Variants in RGS17 observed in about 807,000 individuals in gnomAD.
RGS17 encodes regulator of G-protein signaling 17.
A neutral mutation model predicts 25.5 loss-of-function variants in RGS17; 12 were observed. That is an observed-to-expected ratio of 0.47 (90% CI 0.30 to 0.76). RGS17 has a LOEUF of 0.76. Ranked by LOEUF, RGS17 falls within the 30% of genes least tolerant of loss-of-function variation. The pLI, the probability that RGS17 is intolerant of heterozygous loss-of-function variation, is 0.07. For synonymous variants in RGS17, 71 were observed against 76.9 expected (o/e 0.92, Z 0.40); for missense variants, 196 against 242.2 (o/e 0.81, Z 1.27).
chr6:153,117,960 A>T (rs1248754226), intron 1 of RGS17, among the ~76,000 whole-genome samples: 1 of 152,228 alleles, frequency 6.6e-6, no homozygotes, highest in African/African-American at 2.4e-5. Context: ...GAGAGATATG[A>T]GGAGGGATGA....
rs1182358754 is a variant in RGS17 at position 153,020,152 on chromosome 6, T to C, written c.444+4110A>G. On this transcript the variant is annotated intron_variant, in intron 4 of 4. Transcript: ENST00000206262. ...TATATATATATATTTTTTTTTTTTT[T>C]TTTTTTTTTTTTTTTTTTTGAGACA... Among the ~76,000 whole-genome samples the C allele has an allele frequency of 6.6e-3, 428 of 64,630 alleles. 8 individuals are homozygous for C. The highest frequency in any genetic ancestry group is 0.028 in the African/African-American group (414 of 14,680). 42.4% of individuals were successfully genotyped at this position (64,630 alleles called of 152,430 possible). A position where few individuals can be genotyped will look rare whatever the true frequency, so the allele number is the denominator to read the frequency against.
At chr6:153,043,829 G>A (rs547733791) in intron 2 of RGS17, 71 bp downstream of exon 2, 184 of 864,102 alleles carry the variant, frequency 2.1e-4, no homozygotes, top group Non-Finnish European at 3.2e-4. Flanking sequence ...ACAGTTCTGA[G>A]ATTTGGCATG....
intron 1 of RGS17, among the ~76,000 whole-genome samples, chr6:153,095,533 C>T (rs945822152): frequency 1.6e-4 from 25 of 152,122 alleles, no homozygotes; most frequent in African/African-American, 5.8e-4. Flanking sequence ...TGTAATATAG[C>T]AGGCTTTGGG....
intron 1 of RGS17, among the ~76,000 whole-genome samples, chr6:153,113,896 A>C (rs1460146496): frequency 1.3e-5 from 2 of 152,226 alleles, no homozygotes; most frequent in Non-Finnish European, 2.9e-5. Flanking sequence ...ACAAAGACAC[A>C]AAGTACCAGA....
At chr6:153,017,918 A>G (rs529712617) in intron 4 of RGS17, among the ~76,000 whole-genome samples, 3 of 152,196 alleles carry the variant, frequency 2.0e-5, no homozygotes, top group Non-Finnish European at 4.4e-5. Context: ...TAAATTTGGT[A>G]TTCCTATGTT....
intron 1 of RGS17, among the ~76,000 whole-genome samples, chr6:153,055,340 T>C (rs975230952): frequency 2.0e-5 from 3 of 152,212 alleles, no homozygotes; most frequent in African/African-American, 7.2e-5. Flanking sequence ...ATGTTATAAG[T>C]TAAAAAATGA....
chr6:153,062,763 A>C (rs1776656546), intron 1 of RGS17, among the ~76,000 whole-genome samples: 1 of 152,082 alleles, frequency 6.6e-6, no homozygotes, highest in African/African-American at 2.4e-5. Flanking sequence ...GAGAGGGAAG[A>C]GTGGGGAAGA....
chr6:153,099,898 C>T (rs1777273965), intron 1 of RGS17, among the ~76,000 whole-genome samples: 1 of 152,168 alleles, frequency 6.6e-6, no homozygotes, highest in Admixed American at 6.6e-5. Context: ...AGCGACTCTA[C>T]TTCCAGTTTC....
At chr6:153,099,424 T>C (rs929424472) in intron 1 of RGS17, among the ~76,000 whole-genome samples, 9 of 152,244 alleles carry the variant, frequency 5.9e-5, no homozygotes, top group African/African-American at 1.9e-4. Flanking sequence ...CAAATAAGTA[T>C]TACCCTGACT....
At position 153,081,033 on chromosome 6, in the gene RGS17, T is replaced by C. The variant is rs74703441; in HGVS notation, c.-25-36990A>G. ...TAATTGGTTAATGGCTCAGCATCTA[T>C]TGTGATATATATTTATGTGTACTTG... On this transcript the variant is annotated intron_variant, in intron 1 of 4. Transcript: ENST00000206262. 2.0e-5 allele frequency among the ~76,000 whole-genome samples: 3 copies of C among 152,248 alleles called. No individual in the cohort carries two copies. The East Asian group carries it at 5.8e-4, about 29-fold the overall frequency.
At chr6:153,088,487 C>T (rs566499395) in intron 1 of RGS17, among the ~76,000 whole-genome samples, 1 of 152,256 alleles carries the variant, frequency 6.6e-6, no homozygotes, top group Middle Eastern at 3.4e-3. Context: ...AAATAAAGCA[C>T]ATTTTTCTTA....
chr6:153,126,958 A>G (rs1251521178), intron 1 of RGS17, among the ~76,000 whole-genome samples: 1 of 152,238 alleles, frequency 6.6e-6, no homozygotes, highest in Admixed American at 6.5e-5. Flanking sequence ...CAGCCATCCC[A>G]ACCTTTTTGG....
intron 4 of RGS17, among the ~76,000 whole-genome samples, chr6:153,019,102 T>A (rs1199121592): frequency 6.6e-6 from 1 of 152,234 alleles, no homozygotes; most frequent in African/African-American, 2.4e-5. Flanking sequence ...TCCCCAGAGC[T>A]TGAACATCAC....
chr6:153,011,856 TA>T, intron 4 of RGS17, 94 bp from the exon 5 acceptor site: 1 of 891,512 alleles, frequency 1.1e-6, no homozygotes, highest in East Asian at 2.7e-5. Context: ...AGAGAAACTT[TA>T]AAGAGCAAAT....
At chr6:153,054,335 G>T (rs895858522) in intron 1 of RGS17, among the ~76,000 whole-genome samples, 1 of 151,238 alleles carries the variant, frequency 6.6e-6, no homozygotes, top group African/African-American at 2.4e-5. Context: ...CTGTAGAGGG[G>T]TTCAAATATT....
At position 153,090,822 on chromosome 6, in the gene RGS17, G is replaced by C. The variant is rs547448783; in HGVS notation, c.-26+40302C>G. Among the ~76,000 whole-genome samples, 4 of 149,406 alleles carry C rather than the reference G, an allele frequency of 2.7e-5. No homozygotes were observed. In the East Asian group the frequency reaches 6.0e-4, roughly 23 times the overall value. ...TCAGTAATCAGATTGAAAAAACACA[G>C]CACATACAGGGTTCAGTAAAAAAAC... is the stretch of plus-strand genomic sequence containing the variant. On this transcript the variant is annotated intron_variant, in intron 1 of 4. Coordinates refer to ENST00000206262, the MANE Select transcript of RGS17 (RefSeq NM_012419.5).
chr6:153,112,296 A>G (rs910805362), intron 1 of RGS17, among the ~76,000 whole-genome samples: 6 of 152,246 alleles, frequency 3.9e-5, no homozygotes, highest in Non-Finnish European at 8.8e-5. Context: ...ATCAATAGCC[A>G]TATTGATCAA....
chr6:153,024,179 T>G, intron 4 of RGS17, 83 bp downstream of exon 4: 1 of 855,008 alleles, frequency 1.2e-6, no homozygotes, highest in East Asian at 2.6e-5. Context: ...CCACACCCCA[T>G]GCCCTACCCA....
At position 153,054,005 on chromosome 6, in the gene RGS17, TATACGTATATATGTATATA is replaced by T. The variant is rs1562321421; in HGVS notation, c.-25-9981_-25-9963del. On this transcript the variant is annotated intron_variant, in intron 1 of 4. Coordinates refer to ENST00000206262, the MANE Select transcript of RGS17 (RefSeq NM_012419.5). ...TATATGTATATAATATATATACATA[TATACGTATATATGTATATA>T]ATATATATACATATATATGTATATA... 4.8e-4 allele frequency among the ~76,000 whole-genome samples: 22 copies of T among 45,612 alleles called. 2 individuals are homozygous for T. In the South Asian group the frequency reaches 0.011, roughly 23 times the overall value. The allele number at this position is 45,612 out of a possible 152,430, so 29.9% of individuals were successfully genotyped here.
Sources: gnomAD v4.1 joint callset for allele counts (sites outside exome capture counted in the v4.1 genomes callset) on GRCh38, gnomAD v4.1.1 for gene constraint, MANE v1.5 for transcripts, NCBI Gene and HGNC (gene_info 2026-07-23, HGNC 2026-07-21) for gene names.